SSX7: variants seen among roughly 807,000 people sequenced by gnomAD.
SSX7 encodes SSX family member 7.
In SSX7, 15 loss-of-function variants were observed where a neutral mutation model predicts 14.7. That is an observed-to-expected ratio of 1.02 (90% CI 0.68 to 1.58). The LOEUF (loss-of-function observed/expected upper bound fraction) is 1.58. SSX7 is among the 40% of genes most tolerant of loss of function. The probability of loss-of-function intolerance (pLI) is 0.00; values close to 1 mark genes in which losing one functional copy is unlikely to be tolerated. For synonymous variants in SSX7, 46 were observed against 50.6 expected, an observed-to-expected ratio of 0.91 and a Z score of 0.38; for missense variants, 178 against 146.8, an observed-to-expected ratio of 1.21 and a Z score of -1.10.
chrX:52,647,226 G>A (rs1229283552), intron 6 of SSX7, among the ~76,000 whole-genome samples: 9 of 112,294 alleles, frequency 8.0e-5, no homozygotes, highest in Non-Finnish European at 1.3e-4. Context: ...TTTAAGGAAA[G>A]AAGCCATCTC....
chrX:52,645,368 A>T (rs1438933128), intron 7 of SSX7, 71 bp downstream of exon 7: 67 of 1,205,543 alleles, frequency 5.6e-5, no homozygotes, highest in Admixed American at 5.1e-4. Context: ...CAAGTGACAG[A>T]TGGGATACCA....
intron 5 of SSX7, 141 bp downstream of exon 5, chrX:52,650,212 T>C (rs782100488): frequency 2.7e-6 from 2 of 753,888 alleles, no homozygotes; most frequent in Admixed American, 5.6e-5. Flanking sequence ...TATTAAGCTG[T>C]TGGTGCTACA....
intron 6 of SSX7, among the ~76,000 whole-genome samples, chrX:52,646,358 C>T (rs782592999): frequency 1.8e-5 from 2 of 112,396 alleles, no homozygotes; most frequent in Non-Finnish European, 3.8e-5. Context: ...CCACGGCGCC[C>T]GTCCGTGTTT....
At chrX:52,645,157 G>A (rs1925198048) in intron 7 of SSX7, among the ~76,000 whole-genome samples, 1 of 110,077 alleles carries the variant, frequency 9.1e-6, no homozygotes, top group South Asian at 4.1e-4. Context: ...TGTAGTCCCA[G>A]CTACTGGAGA....
At chrX:52,651,347 G>C (rs1925419575) in intron 4 of SSX7, among the ~76,000 whole-genome samples, 1 of 112,120 alleles carries the variant, frequency 8.9e-6, no homozygotes, top group South Asian at 3.7e-4. Context: ...ACAAACTCTG[G>C]AAGTTTTTGG....
intron 6 of SSX7, 36 bp from the exon 7 acceptor site, chrX:52,645,579 TAGGTTGG>T (rs1252047643): frequency 8.9e-7 from 1 of 1,129,384 alleles, no homozygotes; most frequent in Non-Finnish European, 1.2e-6. Context: ...GAGGGTTGGG[TAGGTTGG>T]AGAGTGTTAG....
chrX:52,648,305 G>A lies in SSX7; in HGVS notation c.422C>T (p.Pro141Leu), dbSNP rs782508818. ...GSQNDGKHLC[P>L]PGKPSTSEKI... Reference sequence around the variant, plus strand: ...CTCAGAGGTACTTGGTTTTCCTGGAGGGCACAGGTGTTTCCCATCGTTCTG... The same window carrying A: ...CTCAGAGGTACTTGGTTTTCCTGGAAGGCACAGGTGTTTCCCATCGTTCTG... Residue 141 changes from proline (P) to leucine (L), a missense_variant, in exon 6 of 8, where the codon CCT (proline) becomes CTT (leucine). By Grantham distance (98) the Pro-to-Leu change is moderately conservative. Transcript: ENST00000298181. 1.7e-5 allele frequency: 21 copies of A among 1,209,785 alleles called. No homozygotes were observed. The Admixed American group carries it at 3.5e-4, about 20-fold the overall frequency.
Position 52,645,467 on chromosome X carries a change from G to C in SSX7, c.543C>G (p.Ser181Arg). The change falls in exon 7 of 8, where the codon AGC (serine) becomes AGG (arginine). Residue 181 changes from serine to arginine, a missense_variant. Physicochemically the swap from Ser to Arg is moderately radical, Grantham distance 110 (BLOSUM62 -1). Transcript: ENST00000298181. ...RKQLVIYEEI[S>R]DPEEDDE ...GTTACTCGTCGTCTTCTTCAGGGTCGCTGATCTCTTCATAAATCACCAGCT... is the reference window on the plus strand; with the variant it reads ...GTTACTCGTCGTCTTCTTCAGGGTCCCTGATCTCTTCATAAATCACCAGCT... 1 of 1,201,870 alleles carries C rather than the reference G, an allele frequency of 8.3e-7. No individual in the cohort carries two copies. Among genetic ancestry groups the C allele is most frequent in the Non-Finnish European group, 1.1e-6 (1 of 890,341 alleles).
chrX:52,648,897 G>A (rs782281141), intron 5 of SSX7, among the ~76,000 whole-genome samples: 3 of 111,690 alleles, frequency 2.7e-5, no homozygotes, highest in African/African-American at 9.8e-5. Flanking sequence ...TCTAGGCAGC[G>A]AAGAAAGCAG....
rs782710230 is a variant in SSX7 at position 52,652,986 on chromosome X, T to C, written c.70-2A>G. The C allele has an allele frequency of 7.5e-6, 9 of 1,193,444 alleles. No homozygotes were observed. The East Asian group carries it at 1.2e-4, about 16-fold the overall frequency. On this transcript the variant is annotated splice_acceptor_variant, in intron 2 of 7. Transcript: ENST00000298181. LOFTEE classifies it high-confidence loss of function. ...GTATTTGGCAATATCATCGAAGGAC[T>C]AGGAAAAGATAAAAAAGGAATTTTG...
intron 3 of SSX7, 58 bp from the exon 4 acceptor site, chrX:52,652,405 C>A: frequency 1.1e-6 from 1 of 902,710 alleles, no homozygotes; most frequent in East Asian, 3.1e-5. Flanking sequence ...GTCACGGTGG[C>A]TCATATCTGT....
chrX:52,648,191 A>C, intron 6 of SSX7, 70 bp downstream of exon 6: 1 of 1,166,632 alleles, frequency 8.6e-7, no homozygotes, highest in East Asian at 3.0e-5. Context: ...TCCATGCCAC[A>C]CACCCAGTCC....
chrX:52,651,576 T>G (rs1484097373), intron 4 of SSX7, among the ~76,000 whole-genome samples: 1 of 111,411 alleles, frequency 9.0e-6, no homozygotes, highest in Non-Finnish European at 1.9e-5. Context: ...TTCACAATAT[T>G]AGAAAAACTA....
intron 4 of SSX7, among the ~76,000 whole-genome samples, chrX:52,650,882 C>A (rs2146497227): frequency 8.9e-6 from 1 of 112,076 alleles, no homozygotes; most frequent in South Asian, 3.7e-4. Flanking sequence ...TCTTGGCAGA[C>A]ACCCAAGCAC....
At chrX:52,646,058 TTTTTA>T (rs1322424909) in intron 6 of SSX7, among the ~76,000 whole-genome samples, 136 of 111,596 alleles carry the variant, frequency 1.2e-3, no homozygotes, top group African/African-American at 4.2e-3. Flanking sequence ...TAATTTTTAA[TTTTTA>T]TTTTATTTTA....
chrX:52,647,962 T>C (rs782019631), intron 6 of SSX7, among the ~76,000 whole-genome samples: 1 of 112,167 alleles, frequency 8.9e-6, no homozygotes, highest in Non-Finnish European at 1.9e-5. Flanking sequence ...GCCTTCTAGA[T>C]TAAATTTAAT....
chrX:52,644,786 G>A, intron 7 of SSX7, 116 bp from the exon 8 acceptor site: 2 of 814,803 alleles, frequency 2.5e-6, no homozygotes, highest in Non-Finnish European at 3.7e-6. Context: ...CCCTACCCCA[G>A]GACCTGCACA....
chrX:52,644,606 G>T lies in SSX7; in HGVS notation c.*69C>A. 2 of 1,193,675 alleles carry T rather than the reference G, an allele frequency of 1.7e-6. No homozygotes were observed. The highest frequency in any genetic ancestry group is 2.2e-6 in the Non-Finnish European group (2 of 891,541). On this transcript the variant is annotated 3_prime_UTR_variant, in exon 8 of 8. Coordinates refer to ENST00000298181, the MANE Select transcript of SSX7 (RefSeq NM_173358.2). ...CTGATGACGAGGGGTCCGCAGCCAT[G>T]CCCATGTTCGTGAAAGGTCACCACG...
intron 7 of SSX7, 112 bp from the exon 8 acceptor site, chrX:52,644,782 C>A (rs1556766126): frequency 1.3e-5 from 11 of 862,415 alleles, no homozygotes; most frequent in Non-Finnish European, 1.7e-5. Flanking sequence ...TCTGCCCTAC[C>A]CCAGGACCTG....
Sources: gnomAD v4.1 joint callset for allele counts (sites outside exome capture counted in the v4.1 genomes callset) on GRCh38, gnomAD v4.1.1 for gene constraint, MANE v1.5 for transcripts, NCBI Gene and HGNC (gene_info 2026-07-23, HGNC 2026-07-21) for gene names.